The following PVT1 variants were observed in gnomAD, a reference collection of about 807,000 sequenced individuals.
The protein encoded by PVT1 is CXCR4/PVT1 fusion.
At chr8:127,835,655 T>A (rs897846177) in intron 2 of PVT1, among the ~76,000 whole-genome samples, 1 of 152,162 alleles carries the variant, frequency 6.6e-6, no homozygotes, top group Admixed American at 6.6e-5. Flanking sequence ...ATCTCCAGGC[T>A]TCCCATTGTA....
chr8:127,820,034 T>G (rs1814712183), intron 2 of PVT1, among the ~76,000 whole-genome samples: 1 of 152,176 alleles, frequency 6.6e-6, no homozygotes, highest in Non-Finnish European at 1.5e-5. Context: ...CTCTGCCTTT[T>G]GTAGAGATGC....
intron 3 of PVT1, among the ~76,000 whole-genome samples, chr8:127,925,303 C>T (rs867356511): frequency 1.3e-5 from 2 of 152,062 alleles, no homozygotes; most frequent in East Asian, 3.8e-4. Flanking sequence ...GACAGCAAAG[C>T]TCTAGTTGAA....
chr8:128,008,422 G>A (rs1817272882), intron 4 of PVT1, among the ~76,000 whole-genome samples: 1 of 152,130 alleles, frequency 6.6e-6, no homozygotes, highest in African/African-American at 2.4e-5. Context: ...TTATCAATGA[G>A]GAAACTGATG....
intron 5 of PVT1, among the ~76,000 whole-genome samples, chr8:128,073,934 G>T (rs1201418448): frequency 6.6e-6 from 1 of 152,032 alleles, no homozygotes; most frequent in Admixed American, 6.5e-5. Flanking sequence ...TTCTCCAAGA[G>T]CTGATGGATG....
chr8:128,028,053 C>T (rs111291032), intron 4 of PVT1, among the ~76,000 whole-genome samples: 11 of 152,356 alleles, frequency 7.2e-5, no homozygotes, highest in African/African-American at 1.9e-4. Context: ...CCCTCCGTCC[C>T]GCCACGGGCT....
At chr8:128,035,606 C>T (rs78650190) in intron 4 of PVT1, among the ~76,000 whole-genome samples, 9,989 of 152,268 alleles carry the variant, frequency 0.066, 451 homozygotes, top group Admixed American at 0.15. Context: ...GACCATAATC[C>T]CTGGGACCTT....
At chr8:128,063,313 G>T (rs1456298846) in intron 4 of PVT1, among the ~76,000 whole-genome samples, 2 of 152,034 alleles carry the variant, frequency 1.3e-5, no homozygotes, top group Admixed American at 1.3e-4. Flanking sequence ...AGAAGTTCAA[G>T]ATCATCTTGG....
intron 2 of PVT1, among the ~76,000 whole-genome samples, chr8:127,824,205 A>G (rs142834971): frequency 5.8e-4 from 88 of 152,350 alleles, no homozygotes; most frequent in African/African-American, 2.1e-3. Context: ...ATCTGGCTTC[A>G]TCCTAAGAGT....
chr8:128,064,398 A>G (rs16902611), intron 4 of PVT1, among the ~76,000 whole-genome samples: 1,537 of 152,224 alleles, frequency 0.01, 30 homozygotes, highest in African/African-American at 0.035. Context: ...TCATCTTTTC[A>G]CCCTTGTTTG....
intron 3 of PVT1, among the ~76,000 whole-genome samples, chr8:127,907,337 C>T (rs899433511): frequency 1.3e-5 from 2 of 152,298 alleles, no homozygotes; most frequent in East Asian, 3.9e-4. Context: ...AAATGCGGTG[C>T]TGTAAATGAC....
intron 2 of PVT1, among the ~76,000 whole-genome samples, chr8:127,812,155 A>C (rs1201419302): frequency 7.7e-5 from 3 of 39,012 alleles, no homozygotes; most frequent in Admixed American, 7.0e-4. Flanking sequence ...AGGGGAGGAG[A>C]GGGGAGGGGA....
At chr8:127,800,487 T>G (rs1054345832) in intron 2 of PVT1, among the ~76,000 whole-genome samples, 4 of 152,174 alleles carry the variant, frequency 2.6e-5, no homozygotes, top group Non-Finnish European at 4.4e-5. Context: ...GTGTTAACAG[T>G]AAAGTGCTTA....
intron 4 of PVT1, among the ~76,000 whole-genome samples, chr8:127,997,979 G>A (rs1385975510): frequency 1.3e-5 from 2 of 152,156 alleles, no homozygotes; most frequent in Admixed American, 1.3e-4. Context: ...CTCTGTGAGG[G>A]TTGTCTGATT....
At chr8:127,906,820 T>TTTC (rs1278992685) in intron 3 of PVT1, among the ~76,000 whole-genome samples, 4 of 152,198 alleles carry the variant, frequency 2.6e-5, no homozygotes, top group Admixed American at 6.5e-5. Flanking sequence ...GATTTAAATA[T>TTTC]TTCTCTCAGC....
At chr8:127,884,825 C>T (rs1440038345) in intron 2 of PVT1, among the ~76,000 whole-genome samples, 1 of 152,222 alleles carries the variant, frequency 6.6e-6, no homozygotes, top group Non-Finnish European at 1.5e-5. Context: ...GGTGCAGCCA[C>T]CTTCTTGTGA....
chr8:127,908,747 A>G (rs756399451), intron 3 of PVT1, among the ~76,000 whole-genome samples: 11 of 152,128 alleles, frequency 7.2e-5, no homozygotes, highest in Non-Finnish European at 1.6e-4. Flanking sequence ...GTGGACTTTG[A>G]GTCGGATGGA....
At chr8:128,068,012 T>C (rs1813931813) in intron 4 of PVT1, among the ~76,000 whole-genome samples, 1 of 150,172 alleles carries the variant, frequency 6.7e-6, no homozygotes, top group Admixed American at 6.7e-5. Flanking sequence ...ATAAAAACAA[T>C]TTTAAAGAAT....
chr8:128,030,227 A>G (rs1057023081), intron 4 of PVT1, among the ~76,000 whole-genome samples: 1 of 152,234 alleles, frequency 6.6e-6, no homozygotes, highest in Non-Finnish European at 1.5e-5. Flanking sequence ...GTTTATTACC[A>G]TGTGTAATAA....
At chr8:127,842,964 G>A (rs769295267) in intron 2 of PVT1, among the ~76,000 whole-genome samples, 21 of 152,190 alleles carry the variant, frequency 1.4e-4, no homozygotes, top group Non-Finnish European at 2.9e-4. Context: ...CCTCTCTGGA[G>A]TCTTCTGAAT....
Sources: gnomAD v4.1 joint callset for allele counts (sites outside exome capture counted in the v4.1 genomes callset) on GRCh38, gnomAD v4.1.1 for gene constraint, MANE v1.5 for transcripts, NCBI Gene and HGNC (gene_info 2026-07-23, HGNC 2026-07-21) for gene names.